PIGF: variants seen among roughly 807,000 people sequenced by gnomAD.
The protein encoded by PIGF is phosphatidylinositol glycan anchor biosynthesis class F.
Under a neutral mutation model 26.0 loss-of-function variants are expected in PIGF, and 23 were observed. The observed-to-expected ratio is 0.88, with a 90% CI of 0.64 to 1.25. PIGF has a LOEUF of 1.25. Among genes scored for constraint, PIGF ranks in the 50% most tolerant of loss-of-function variants. The pLI, the probability that PIGF is intolerant of heterozygous loss-of-function variation, is 0.00. For missense variants in PIGF, 278 were observed against 249.9 expected, an observed-to-expected ratio of 1.11 and a Z score of -0.76; for synonymous variants, 93 against 92.6, an observed-to-expected ratio of 1.00 and a Z score of -0.03.
chr2:46,606,536 T>A (rs1207419824), intron 4 of PIGF, among the ~76,000 whole-genome samples: 1 of 152,244 alleles, frequency 6.6e-6, no homozygotes, highest in Non-Finnish European at 1.5e-5. Context: ...TAATTTTCAA[T>A]GCTGAAATGA....
In PIGF at chr2:46,615,183, T is replaced by A; in HGVS notation, c.-19A>T. On this transcript the variant is annotated splice_region_variant and 5_prime_UTR_variant, in exon 2 of 6. Coordinates refer to ENST00000281382, the MANE Select transcript of PIGF (RefSeq NM_002643.4). Reference sequence around the variant, plus strand: ...CTTTCATGGTGTTTTCTTGGATGGCTAGCTAACAAAAAACAAGAAAAGAAG... The same window carrying A: ...CTTTCATGGTGTTTTCTTGGATGGCAAGCTAACAAAAAACAAGAAAAGAAG... The A allele has an allele frequency of 8.3e-7, 1 of 1,205,272 alleles. No homozygotes were observed. The highest frequency in any genetic ancestry group is 1.2e-6 in the Non-Finnish European group (1 of 818,486). The allele number at this position is 1,205,272 out of a possible 1,614,324, so 74.7% of individuals were successfully genotyped here.
intron 2 of PIGF, chr2:46,614,713 T>C (rs1373343404): frequency 4.8e-6 from 2 of 420,774 alleles, no homozygotes; most frequent in African/African-American, 2.0e-5. Flanking sequence ...TATTATAATA[T>C]GCTCTGAAGA....
At chr2:46,601,070 T>C (rs1467509861) in intron 4 of PIGF, among the ~76,000 whole-genome samples, 1 of 152,052 alleles carries the variant, frequency 6.6e-6, no homozygotes, top group Non-Finnish European at 1.5e-5. Context: ...ATAAATAAGA[T>C]AAAAAGAATA....
In PIGF at chr2:46,592,569, C is replaced by A; in HGVS notation, c.452G>T (p.Trp151Leu). ...VFSRNGVTSI[W>L]ENSLQITTIS... ...TGTAGTGATCTGGAGACTATTCTCC[C>A]ATATGGATGTAACTCTGTGAAACAC... Residue 151 changes from tryptophan (W) to leucine (L), a missense_variant, in exon 5 of 6, where the codon TGG (tryptophan) becomes TTG (leucine). Transcript: ENST00000281382. 6.3e-7 allele frequency: 1 copy of A among 1,582,994 alleles called. No homozygotes were observed. The highest frequency in any genetic ancestry group is 1.1e-5 in the South Asian group (1 of 90,444).
chr2:46,602,716 A>G (rs917009423), intron 4 of PIGF, among the ~76,000 whole-genome samples: 1 of 151,964 alleles, frequency 6.6e-6, no homozygotes, highest in Admixed American at 6.6e-5. Context: ...GAACTACAGC[A>G]TAAGAACTTC....
In PIGF at chr2:46,588,905, A is replaced by T. The variant is rs1380805688; in HGVS notation, c.546+3570T>A. Among the ~76,000 whole-genome samples, 1 of 152,152 alleles carries T rather than the reference A, an allele frequency of 6.6e-6. No individual in the cohort carries two copies. The highest frequency in any genetic ancestry group is 1.5e-5 in the Non-Finnish European group (1 of 67,976). On this transcript the variant is annotated intron_variant, in intron 5 of 5. Transcript: ENST00000281382. This position sits in a 1 kb window ranked among gnomAD's most constrained non-coding sequence, Gnocchi z 4.1. ...CAGTAATAACAACAAATACTTATTG[A>T]TTAGCTATTTAGTTACAGCAGATAA...
intron 4 of PIGF, among the ~76,000 whole-genome samples, chr2:46,594,103 T>G (rs1669806903): frequency 6.6e-6 from 1 of 152,234 alleles, no homozygotes; most frequent in Non-Finnish European, 1.5e-5. Flanking sequence ...CAACTAGCAT[T>G]CAATAGAACA....
rs965805965 is a variant in PIGF, at chr2:46,588,963, T to C, written c.546+3512A>G. Reference sequence around the variant, plus strand: ...AATTATAAAATACAAAGGTTTTCTGTAGTCCAAATATTTATTTTGTCAGCA... The same window carrying C: ...AATTATAAAATACAAAGGTTTTCTGCAGTCCAAATATTTATTTTGTCAGCA... On this transcript the variant is annotated intron_variant, in intron 5 of 5. Coordinates refer to ENST00000281382, the MANE Select transcript of PIGF (RefSeq NM_002643.4). This position sits in a 1 kb window ranked among gnomAD's most constrained non-coding sequence, Gnocchi z 4.1. 6.6e-6 allele frequency among the ~76,000 whole-genome samples: 1 copy of C among 152,140 alleles called. No individual in the cohort carries two copies. The highest frequency in any genetic ancestry group is 2.4e-5 in the African/African-American group (1 of 41,464).
At chr2:46,606,657 T>C (rs1443609883) in intron 4 of PIGF, among the ~76,000 whole-genome samples, 1 of 152,200 alleles carries the variant, frequency 6.6e-6, no homozygotes, top group Non-Finnish European at 1.5e-5. Context: ...TTACAGATAG[T>C]ACCAAACTGC....
intron 3 of PIGF, 126 bp from the exon 4 acceptor site, chr2:46,612,470 G>A: frequency 2.5e-6 from 1 of 394,452 alleles, no homozygotes; most frequent in South Asian, 8.4e-5. Context: ...TAACATGAAT[G>A]CCACCAAAAT....
rs746569857 is a variant in PIGF at position 46,612,218 on chromosome 2, T to G, written c.437+10A>C. On this transcript the variant is annotated intron_variant, in intron 4 of 5. Coordinates refer to ENST00000281382, the MANE Select transcript of PIGF (RefSeq NM_002643.4). ...TTTCAATATCATTATAATATAAAAT[T>G]AAAACTTACCCATTTCTACTGAACA... 2.4e-6 allele frequency: 2 copies of G among 842,750 alleles called. No homozygotes were observed. The highest frequency in any genetic ancestry group is 1.7e-6 in the Non-Finnish European group (1 of 585,426). 52.2% of individuals were successfully genotyped at this position (842,750 alleles called of 1,614,324 possible).
intron 4 of PIGF, among the ~76,000 whole-genome samples, chr2:46,605,061 GC>G (rs1261809234): frequency 3.9e-5 from 6 of 151,912 alleles, no homozygotes; most frequent in African/African-American, 1.4e-4. Flanking sequence ...ACATATTGGA[GC>G]AATTTCAATA....
At chr2:46,613,993 C>T (rs1201934171) in intron 2 of PIGF, 3 of 475,018 alleles carry the variant, frequency 6.3e-6, no homozygotes, top group Non-Finnish European at 1.1e-5. Context: ...CAAATACCAC[C>T]TTCCGCCCAT....
chr2:46,583,706 G>T (rs1669478966), intron 5 of PIGF, among the ~76,000 whole-genome samples: 1 of 152,094 alleles, frequency 6.6e-6, no homozygotes, highest in Admixed American at 6.5e-5. Flanking sequence ...CAAAGCTTAG[G>T]CTTCAATAGA....
chr2:46,610,672 G>A (rs1225014305), intron 4 of PIGF, among the ~76,000 whole-genome samples: 2 of 151,846 alleles, frequency 1.3e-5, no homozygotes, highest in Non-Finnish European at 2.9e-5. Flanking sequence ...TGGGACTACA[G>A]GCACCCGCCA....
intron 4 of PIGF, among the ~76,000 whole-genome samples, chr2:46,593,483 C>G (rs1308144585): frequency 1.3e-5 from 2 of 152,182 alleles, no homozygotes; most frequent in Non-Finnish European, 2.9e-5. Flanking sequence ...ATTCAATTTA[C>G]TTGGCAAGAA....
At chr2:46,587,625 C>T (rs1321190600) in intron 5 of PIGF, among the ~76,000 whole-genome samples, 3 of 152,040 alleles carry the variant, frequency 2.0e-5, no homozygotes, top group South Asian at 2.1e-4. Flanking sequence ...TTTTTACCTT[C>T]GTAAGAAATA....
At chr2:46,597,660 C>T (rs1004861624) in intron 4 of PIGF, among the ~76,000 whole-genome samples, 1 of 152,168 alleles carries the variant, frequency 6.6e-6, no homozygotes, top group Non-Finnish European at 1.5e-5. Flanking sequence ...GATCTGCCCA[C>T]CTCGGCCTCC....
At chr2:46,601,026 T>C (rs1670039363) in intron 4 of PIGF, among the ~76,000 whole-genome samples, 2 of 151,952 alleles carry the variant, frequency 1.3e-5, no homozygotes, top group Admixed American at 1.3e-4. Context: ...CTGTTTGAAT[T>C]TTTACTACAA....
Sources: allele counts gnomAD v4.1 joint callset (sites outside exome capture counted in the v4.1 genomes callset), GRCh38; gene constraint gnomAD v4.1.1; non-coding constraint Gnocchi (gnomAD v3.1); transcripts MANE v1.5; gene names NCBI Gene and HGNC (gene_info 2026-07-23, HGNC 2026-07-21).